Variants in POT1 observed in about 807,000 individuals in gnomAD.
The protein encoded by POT1 is protection of telomeres protein 1.
Under a neutral mutation model 78.5 loss-of-function variants are expected in POT1, and 47 were observed. That is an observed-to-expected ratio of 0.60 (90% CI 0.47 to 0.76). The LOEUF (loss-of-function observed/expected upper bound fraction) is 0.76, where lower values mean the gene tolerates loss of function less well. Ranked by LOEUF, POT1 falls within the 30% of genes least tolerant of loss-of-function variation. The pLI, the probability that POT1 is intolerant of heterozygous loss-of-function variation, is 0.00. For synonymous variants in POT1, 259 were observed against 260.7 expected (o/e 0.99, Z 0.06); for missense variants, 646 against 749.9 (o/e 0.86, Z 1.62).
At chr7:124,829,428 G>A (rs572844450) in intron 15 of POT1, 86 bp from the exon 16 acceptor site, 1 of 781,824 alleles carries the variant, frequency 1.3e-6, no homozygotes, top group Admixed American at 2.8e-5. Context: ...AACATGTGTA[G>A]TTTTAAAATA....
intron 15 of POT1, among the ~76,000 whole-genome samples, chr7:124,829,752 G>A (rs1441287945): frequency 1.3e-5 from 2 of 149,042 alleles, no homozygotes; most frequent in East Asian, 2.0e-4. Flanking sequence ...TTTAAGACAA[G>A]GTCTCACTCT....
intron 7 of POT1, among the ~76,000 whole-genome samples, chr7:124,863,894 G>A (rs1344187755): frequency 6.6e-6 from 1 of 152,020 alleles, no homozygotes; most frequent in East Asian, 1.9e-4. Flanking sequence ...TAAAGAGCTA[G>A]GTGGTAGTCT....
chr7:124,856,653 G>A (rs1004201139), intron 9 of POT1, among the ~76,000 whole-genome samples: 15 of 152,156 alleles, frequency 9.9e-5, no homozygotes, highest in African/African-American at 3.6e-4. Context: ...AGGAAAAGCG[G>A]AAACAGAAAG....
At chr7:124,884,603 C>T (rs910845152) in intron 6 of POT1, among the ~76,000 whole-genome samples, 7 of 132,280 alleles carry the variant, frequency 5.3e-5, no homozygotes, top group African/African-American at 2.0e-4. Flanking sequence ...TGAGAGATCT[C>T]TAGCAAATAA....
At chr7:124,901,221 G>A (rs1439302167) in intron 3 of POT1, among the ~76,000 whole-genome samples, 2 of 152,214 alleles carry the variant, frequency 1.3e-5, no homozygotes, top group African/African-American at 4.8e-5. Flanking sequence ...CCTGACCCCT[G>A]AGTAGACTAA....
At chr7:124,870,058 A>G (rs1393755697) in intron 7 of POT1, among the ~76,000 whole-genome samples, 1 of 152,190 alleles carries the variant, frequency 6.6e-6, no homozygotes. Flanking sequence ...CTCAAGCATT[A>G]GAAGAAAAAG....
intron 11 of POT1, among the ~76,000 whole-genome samples, chr7:124,850,502 C>A (rs1054807822): frequency 2.0e-5 from 3 of 152,046 alleles, no homozygotes; most frequent in Non-Finnish European, 2.9e-5. Flanking sequence ...CCGAGGCGGG[C>A]GGATCATGAG....
intron 10 of POT1, among the ~76,000 whole-genome samples, chr7:124,852,568 T>C (rs187559804): frequency 6.6e-6 from 1 of 152,274 alleles, no homozygotes; most frequent in Non-Finnish European, 1.5e-5. Context: ...CCAAAACATG[T>C]GTTATCTATT....
At chr7:124,920,702 T>TGTTATG (rs1797128792) in intron 2 of POT1, among the ~76,000 whole-genome samples, 1 of 152,114 alleles carries the variant, frequency 6.6e-6, no homozygotes, top group African/African-American at 2.4e-5. Flanking sequence ...TACATAACAA[T>TGTTATG]CTGTTAACCA....
rs201835014 is a variant in POT1, at chr7:124,866,311, G to A, written c.256-2671C>T. On this transcript the variant is annotated intron_variant, in intron 7 of 18. Coordinates refer to ENST00000357628, the MANE Select transcript of POT1 (RefSeq NM_015450.3). Reference sequence around the variant, plus strand: ...TCGTGAGGTGAGCTACTTTTGGGGGGTGAAACCTTTGTGCTGCCTCAGCTG... The same window carrying A: ...TCGTGAGGTGAGCTACTTTTGGGGGATGAAACCTTTGTGCTGCCTCAGCTG... Among the ~76,000 whole-genome samples the A allele has an allele frequency of 4.7e-5, 7 of 150,272 alleles. No individual in the cohort carries two copies. In the South Asian group the frequency reaches 1.5e-3, roughly 32 times the overall value.
chr7:124,883,937 TACTC>T (rs1399633852), intron 6 of POT1, among the ~76,000 whole-genome samples: 2 of 151,938 alleles, frequency 1.3e-5, no homozygotes, highest in Non-Finnish European at 2.9e-5. Context: ...AGTGATTAAT[TACTC>T]AGTAATTAAT....
At chr7:124,898,238 G>C (rs1281012960) in intron 4 of POT1, 23 bp downstream of exon 4, 1 of 151,730 alleles carries the variant, frequency 6.6e-6, no homozygotes, top group Non-Finnish European at 1.5e-5. Flanking sequence ...AATGTAATTA[G>C]AGAATAAAAG....
chr7:124,897,411 A>G (rs1418975246), intron 4 of POT1, among the ~76,000 whole-genome samples, 199 bp from the exon 5 acceptor site: 5 of 151,828 alleles, frequency 3.3e-5, no homozygotes, highest in Admixed American at 6.6e-5. Context: ...AAAGGCAAAG[A>G]TATAAGGTCA....
chr7:124,858,506 T>C (rs572085696), intron 9 of POT1, among the ~76,000 whole-genome samples: 5 of 151,650 alleles, frequency 3.3e-5, no homozygotes, highest in Non-Finnish European at 7.4e-5. Context: ...ATTATAAACT[T>C]ATAATATAAA....
intron 5 of POT1, 89 bp downstream of exon 5, chr7:124,897,076 T>C: frequency 1.4e-6 from 1 of 723,370 alleles, no homozygotes; most frequent in South Asian, 3.4e-5. Context: ...GACTACAAAG[T>C]GGACTGAATA....
chr7:124,836,494 T>C (rs921128602), intron 14 of POT1, among the ~76,000 whole-genome samples: 1 of 152,224 alleles, frequency 6.6e-6, no homozygotes. Flanking sequence ...TTTTGGAGAC[T>C]GATACCTAGC....
intron 6 of POT1, among the ~76,000 whole-genome samples, chr7:124,878,691 G>A (rs1240127709): frequency 6.6e-6 from 1 of 151,886 alleles, no homozygotes; most frequent in Non-Finnish European, 1.5e-5. Flanking sequence ...CATAGTGAAG[G>A]CGCAGTTTTA....
intron 5 of POT1, among the ~76,000 whole-genome samples, chr7:124,895,873 T>C (rs1008582094): frequency 1.3e-5 from 2 of 151,570 alleles, no homozygotes; most frequent in African/African-American, 2.4e-5. Flanking sequence ...AATAAAAATA[T>C]AGGGGATAGT....
intron 9 of POT1, among the ~76,000 whole-genome samples, chr7:124,858,511 T>A (rs1306296324): frequency 2.6e-5 from 4 of 151,954 alleles, no homozygotes; most frequent in African/African-American, 9.7e-5. Flanking sequence ...AAACTTATAA[T>A]ATAAACTTGT....
Sources: gnomAD v4.1 joint callset for allele counts (sites outside exome capture counted in the v4.1 genomes callset) on GRCh38, gnomAD v4.1.1 for gene constraint, MANE v1.5 for transcripts, NCBI Gene and HGNC (gene_info 2026-07-23, HGNC 2026-07-21) for gene names.